Variants in DNMBP observed in about 807,000 individuals in gnomAD.
DNMBP encodes the protein dynamin binding protein.
DNMBP carries 87 observed loss-of-function variants against 150.0 expected under a neutral mutation model. The ratio of observed to expected loss-of-function variants is 0.58; its 90% CI spans 0.49 to 0.69. DNMBP has a LOEUF of 0.69. DNMBP is among the 30% of genes least tolerant of loss of function. The pLI, the probability that DNMBP is intolerant of heterozygous loss-of-function variation, is 0.00. For missense variants in DNMBP, 1,774 were observed against 1,949.0 expected (o/e 0.91, Z 1.69); for synonymous variants, 711 against 750.4 (o/e 0.95, Z 0.86).
At chr10:99,895,901 A>G (rs1455271655) in intron 10 of DNMBP, among the ~76,000 whole-genome samples, 1 of 152,232 alleles carries the variant, frequency 6.6e-6, no homozygotes, top group Non-Finnish European at 1.5e-5. Flanking sequence ...ATCGCCGATA[A>G]ACTGTTTTTC....
intron 4 of DNMBP, among the ~76,000 whole-genome samples, chr10:99,918,309 C>T (rs1339425185): frequency 6.6e-6 from 1 of 152,060 alleles, no homozygotes; most frequent in Non-Finnish European, 1.5e-5. Context: ...AGCAGACTTC[C>T]TGGATCACCA....
At chr10:99,979,640 T>C (rs995818350) in intron 1 of DNMBP, among the ~76,000 whole-genome samples, 2 of 152,154 alleles carry the variant, frequency 1.3e-5, no homozygotes, top group Non-Finnish European at 2.9e-5. Context: ...CATGATAAAC[T>C]CCAGGAAGGC....
At chr10:99,881,774 C>T (rs966918169) in intron 15 of DNMBP, among the ~76,000 whole-genome samples, 5 of 152,094 alleles carry the variant, frequency 3.3e-5, no homozygotes, top group Admixed American at 1.3e-4. Flanking sequence ...TTTAATCTCT[C>T]GTTCTGTGTA....
intron 1 of DNMBP, among the ~76,000 whole-genome samples, chr10:100,004,455 A>C (rs988585636): frequency 6.6e-6 from 1 of 152,142 alleles, no homozygotes; most frequent in Non-Finnish European, 1.5e-5. Flanking sequence ...TGAAGTAAGA[A>C]CTGACAGACT....
intron 10 of DNMBP, among the ~76,000 whole-genome samples, chr10:99,895,661 C>T (rs1417572307): frequency 1.3e-5 from 2 of 152,196 alleles, no homozygotes; most frequent in African/African-American, 4.8e-5. Context: ...GGTTCCCCTG[C>T]CTGGCAGGTC....
chr10:99,895,471 C>T (rs117603065), intron 10 of DNMBP, among the ~76,000 whole-genome samples: 2,367 of 152,288 alleles, frequency 0.016, 27 homozygotes, highest in Non-Finnish European at 0.022. Flanking sequence ...AATTTTAAAC[C>T]TTTAATGTTT....
Position 99,877,336 on chromosome 10 carries a change from C to G in DNMBP, c.4549G>C (p.Val1517Leu), listed in dbSNP as rs1016005467. ...PDGSEAEGNQ[V>L]YFAVYTFKAR... is the part of the protein sequence containing the mutation. ...TTGAAGGTGTAGACAGCAAAATAGA[C>G]CTGTGTGAGGGAGAGAGAGAAAATG... is the stretch of plus-strand genomic sequence containing the variant. The change falls in exon 17 of 17, where the codon GTC becomes CTC. Residue 1517 changes from valine to leucine, a missense_variant and splice_region_variant. Transcript: ENST00000324109. 1.9e-6 allele frequency: 3 copies of G among 1,608,270 alleles called. No individual in the cohort carries two copies. The Admixed American group carries it at 5.1e-5, about 27-fold the overall frequency.
At chr10:99,878,508 T>C (rs1234341186) in intron 16 of DNMBP, among the ~76,000 whole-genome samples, 1 of 152,130 alleles carries the variant, frequency 6.6e-6, no homozygotes, top group African/African-American at 2.4e-5. Context: ...ACCCGGGAAG[T>C]AGGTAGTAAG....
chr10:100,007,711 A>T (rs1445655017), intron 1 of DNMBP, among the ~76,000 whole-genome samples: 1 of 152,234 alleles, frequency 6.6e-6, no homozygotes, highest in Admixed American at 6.5e-5. Flanking sequence ...GAACACAACT[A>T]AAAGTTAACA....
chr10:99,921,526 C>T lies in DNMBP; in HGVS notation c.2261-12380G>A, dbSNP rs61872246. On this transcript the variant is annotated intron_variant, in intron 4 of 16. Transcript: ENST00000324109. ...GTGTACTCTGTATGCACTCAACCTA[C>T]AGTACTTAGCACAGCAAATGGCATT... 1.9e-3 allele frequency among the ~76,000 whole-genome samples: 296 copies of T among 152,242 alleles called. 1 individual carries two copies. Among genetic ancestry groups the T allele is most frequent in the Non-Finnish European group, 3.3e-3 (226 of 68,024 alleles).
chr10:99,943,233 C>T (rs1248134607), intron 4 of DNMBP, among the ~76,000 whole-genome samples: 4 of 151,044 alleles, frequency 2.6e-5, no homozygotes, highest in South Asian at 2.1e-4. Context: ...TACAGTTAGC[C>T]GAGATTGCAC....
intron 4 of DNMBP, among the ~76,000 whole-genome samples, chr10:99,932,357 C>T (rs1031785215): frequency 3.1e-4 from 47 of 152,140 alleles, no homozygotes; most frequent in African/African-American, 9.7e-4. Flanking sequence ...ATTCCCCCAG[C>T]ATGTTTCTAG....
chr10:99,915,734 T>C (rs947590947), intron 4 of DNMBP, among the ~76,000 whole-genome samples: 6 of 152,064 alleles, frequency 3.9e-5, no homozygotes, highest in African/African-American at 7.2e-5. Flanking sequence ...AGAAAACAAA[T>C]ATTTATATGG....
chr10:99,964,074 T>C (rs1351991574), intron 3 of DNMBP, among the ~76,000 whole-genome samples: 1 of 152,008 alleles, frequency 6.6e-6, no homozygotes, highest in African/African-American at 2.4e-5. Flanking sequence ...TTTTATCACT[T>C]GTCATAATAT....
At chr10:99,889,290 C>A in intron 11 of DNMBP, 1 of 171,532 alleles carries the variant, frequency 5.8e-6, no homozygotes. Context: ...ACGATAATGA[C>A]CAGTCACCTC....
At chr10:100,008,017 G>A (rs748601684) in intron 1 of DNMBP, among the ~76,000 whole-genome samples, 2 of 152,226 alleles carry the variant, frequency 1.3e-5, no homozygotes, top group East Asian at 1.9e-4. Context: ...AGATAATCTC[G>A]TAATAATACC....
intron 4 of DNMBP, among the ~76,000 whole-genome samples, chr10:99,953,259 A>C (rs1238092743): frequency 6.6e-6 from 1 of 152,000 alleles, no homozygotes; most frequent in Non-Finnish European, 1.5e-5. Context: ...TTTCAAATTT[A>C]ATTTAAAACT....
At chr10:99,948,857 G>A (rs1229587435) in intron 4 of DNMBP, among the ~76,000 whole-genome samples, 1 of 151,948 alleles carries the variant, frequency 6.6e-6, no homozygotes, top group Non-Finnish European at 1.5e-5. Context: ...CAGCTACTCG[G>A]GAGGCTAAGG....
intron 4 of DNMBP, among the ~76,000 whole-genome samples, chr10:99,925,501 C>G (rs1467667151): frequency 1.3e-5 from 2 of 152,088 alleles, no homozygotes; most frequent in Non-Finnish European, 2.9e-5. Context: ...CTGCAACCTC[C>G]ACCTCCTGGG....
Sources: allele counts gnomAD v4.1 joint callset (sites outside exome capture counted in the v4.1 genomes callset), GRCh38; gene constraint gnomAD v4.1.1; transcripts MANE v1.5; gene names NCBI Gene and HGNC (gene_info 2026-07-23, HGNC 2026-07-21).